MGAM2: variants seen among roughly 807,000 people sequenced by gnomAD.
MGAM2 encodes the protein probable maltase-glucoamylase 2.
MGAM2 carries 98 observed loss-of-function variants against 96.1 expected under a neutral mutation model. The observed-to-expected ratio is 1.02, with a 90% confidence interval of 0.87 to 1.21. MGAM2 has a LOEUF of 1.21. MGAM2 is among the 50% of genes most tolerant of loss of function. MGAM2 has a pLI of 0.00. For missense variants in MGAM2, 2,055 were observed against 1,182.4 expected (o/e 1.74, Z -10.82); for synonymous variants, 749 against 414.8 (o/e 1.81, Z -9.79).
chr7:142,162,622 T>C (rs1379616481), intron 23 of MGAM2, among the ~76,000 whole-genome samples: 1 of 151,746 alleles, frequency 6.6e-6, no homozygotes, highest in Non-Finnish European at 1.5e-5. Context: ...TAAATGTGTA[T>C]ATATGTATCT....
At chr7:142,142,614 A>T (rs1182170715) in intron 12 of MGAM2, among the ~76,000 whole-genome samples, 1 of 144,984 alleles carries the variant, frequency 6.9e-6, no homozygotes, top group Admixed American at 7.4e-5. Context: ...CACTGCAACG[A>T]TCTCAGCTCA....
rs1403787718 is a variant in MGAM2 at position 142,186,078 on chromosome 7, C to A, written c.4077C>A (p.Asn1359Lys). 1.4e-6 allele frequency: 1 copy of A among 706,030 alleles called. No individual in the cohort carries two copies. The highest frequency in any genetic ancestry group is 2.0e-5 in the Admixed American group (1 of 50,004). 43.7% of individuals were successfully genotyped at this position (706,030 alleles called of 1,614,324 possible). A position where few individuals can be genotyped will look rare whatever the true frequency, so the allele number is the denominator to read the frequency against. ...WKKEIEELYA[N>K]PREPEKSLKF... is the part of the protein sequence containing the mutation. ...AAGAGATAGAAGAGCTCTATGCAAA[C>A]CCTCGAGAGCCAGAGAAGAGCTTGA... The change falls in exon 35 of 48, where the codon AAC (asparagine) becomes AAA (lysine). Residue 1359 changes from asparagine to lysine, a missense_variant. Physicochemically the swap from Asn to Lys is moderately conservative, Grantham distance 94. Transcript: ENST00000477922.
chr7:142,113,491 T>TA lies in MGAM2; in HGVS notation c.-1+1686dup, dbSNP rs567391414. On this transcript the variant is annotated intron_variant, in intron 1 of 47. Transcript: ENST00000477922. ...TGAACTGTTAACTGGCTGTGAGAAC[T>TA]AACAGAATGAGAGGAATTAAAAAAA... is the stretch of plus-strand genomic sequence containing the variant. Among the ~76,000 whole-genome samples, 292 of 152,002 alleles carry TA rather than the reference T, an allele frequency of 1.9e-3. 1 individual carries two copies. Among genetic ancestry groups the TA allele is most frequent in the African/African-American group, 6.6e-3 (274 of 41,486 alleles).
At position 142,164,933 on chromosome 7, in the gene MGAM2, G is replaced by T. The variant is rs1795987641; in HGVS notation, c.2562G>T (p.Leu854Phe). 2.8e-6 allele frequency: 2 copies of T among 702,740 alleles called. No individual in the cohort carries two copies. Among genetic ancestry groups the T allele is most frequent in the Middle Eastern group, 2.3e-4 (1 of 4,370 alleles). 43.5% of individuals were successfully genotyped at this position (702,740 alleles called of 1,614,324 possible). The stretch of plus-strand genomic sequence containing the variant: ...TCATGTTCACAGATATCACAATCTT[G>T]GGAATGGACAAACAGCCAGCTAATT... ...DNLMFTDITILGMDKQPANFI... is the reference protein window; with the variant it reads ...DNLMFTDITIFGMDKQPANFI... The change falls in exon 24 of 48, where the codon TTG (leucine) becomes TTT (phenylalanine). Residue 854 changes from leucine to phenylalanine, a missense_variant. By Grantham distance (22) the Leu-to-Phe change is conservative (BLOSUM62 0). Transcript: ENST00000477922.
intron 14 of MGAM2, among the ~76,000 whole-genome samples, chr7:142,146,196 AT>A (rs1336283709): frequency 7.0e-5 from 6 of 85,782 alleles, no homozygotes; most frequent in Admixed American, 3.5e-4. Context: ...CCAAAACTAA[AT>A]TTTGTTTTTG....
chr7:142,164,150 T>C (rs1249976880), intron 23 of MGAM2, among the ~76,000 whole-genome samples: 1 of 152,224 alleles, frequency 6.6e-6, no homozygotes, highest in East Asian at 1.9e-4. Context: ...AAAATCTGTC[T>C]TTGTAAAAAA....
At chr7:142,197,834 C>T (rs566316736) in intron 42 of MGAM2, 106 bp downstream of exon 42, 53 of 673,642 alleles carry the variant, frequency 7.9e-5, no homozygotes, top group Non-Finnish European at 1.0e-4. Context: ...TATTTTCAGG[C>T]GAATGCCTTT....
At chr7:142,172,493 C>G (rs998920175) in intron 29 of MGAM2, among the ~76,000 whole-genome samples, 159 bp from the exon 30 acceptor site, 4 of 152,108 alleles carry the variant, frequency 2.6e-5, no homozygotes, top group African/African-American at 7.2e-5. Flanking sequence ...TTTGGGGTAC[C>G]TGCAAATACA....
chr7:142,140,003 C>A (rs1795173212), intron 10 of MGAM2, among the ~76,000 whole-genome samples: 3 of 152,174 alleles, frequency 2.0e-5, no homozygotes, highest in Admixed American at 1.3e-4. Flanking sequence ...ACAGTTGATG[C>A]CACTTTGGGC....
chr7:142,160,084 G>T (rs1209796434), intron 20 of MGAM2, 50 bp from the exon 21 acceptor site: 1 of 669,412 alleles, frequency 1.5e-6, no homozygotes, highest in Non-Finnish European at 2.7e-6. Context: ...GCCCCTCCTA[G>T]CTGAAACAGC....
chr7:142,218,962 T>C lies in MGAM2; in HGVS notation c.5358+431T>C, dbSNP rs186901020. 6.6e-5 allele frequency among the ~76,000 whole-genome samples: 10 copies of C among 152,298 alleles called. No homozygotes were observed. In the East Asian group the frequency reaches 1.5e-3, roughly 23 times the overall value. ...TCCCTGGTCAAATTGATGGATCTTA[T>C]AGGTAGACGAAAATTGGCAGTAAAC... On this transcript the variant is annotated intron_variant, in intron 47 of 47. Coordinates refer to ENST00000477922, the MANE Select transcript of MGAM2 (RefSeq NM_001293626.2).
chr7:142,121,456 T>G (rs1432267708), intron 3 of MGAM2, among the ~76,000 whole-genome samples: 2 of 152,124 alleles, frequency 1.3e-5, no homozygotes, highest in African/African-American at 2.4e-5. Context: ...GGCTTACAGG[T>G]GTGAGCCACT....
intron 12 of MGAM2, among the ~76,000 whole-genome samples, chr7:142,141,354 A>G (rs1795223643): frequency 6.6e-6 from 1 of 152,164 alleles, no homozygotes; most frequent in African/African-American, 2.4e-5. Flanking sequence ...GCAATATATA[A>G]CTAGAAGAAA....
chr7:142,127,790 G>A (rs749563179), intron 3 of MGAM2, among the ~76,000 whole-genome samples: 34 of 152,180 alleles, frequency 2.2e-4, no homozygotes, highest in Non-Finnish European at 3.8e-4. Context: ...CCAGCCATGT[G>A]GAACTGTGAG....
At chr7:142,168,525 C>T (rs1796096866) in intron 26 of MGAM2, among the ~76,000 whole-genome samples, 1 of 152,194 alleles carries the variant, frequency 6.6e-6, no homozygotes, top group South Asian at 2.1e-4. Flanking sequence ...CCACCTTGGC[C>T]TCCCAAAATG....
At chr7:142,147,057 A>G (rs754985614) in intron 14 of MGAM2, among the ~76,000 whole-genome samples, 1 of 152,154 alleles carries the variant, frequency 6.6e-6, no homozygotes, top group East Asian at 1.9e-4. Flanking sequence ...TGACTGTATT[A>G]TAAAAAAGAA....
Position 142,221,236 on chromosome 7 carries a change from T to G in MGAM2, c.6725T>G (p.Leu2242Ter). 1.4e-6 allele frequency: 1 copy of G among 701,322 alleles called. No homozygotes were observed. Among genetic ancestry groups the G allele is most frequent in the Non-Finnish European group, 2.6e-6 (1 of 383,996 alleles). 43.4% of individuals were successfully genotyped at this position (701,322 alleles called of 1,614,324 possible). Residue 2242 changes from leucine to a stop codon, truncating the protein, a stop_gained, in exon 48 of 48, where the codon TTA becomes TGA. Transcript: ENST00000477922. LOFTEE classifies it low-confidence loss of function (END_TRUNC). Reference protein sequence around the residue: ...NNDASMTNFLLATMSAGNITS... With the variant: ...NNDASMTNFL ...GATGCTTCTATGACAAATTTTCTTT[T>G]AGCTACAATGTCTGCTGGTAATATA...
intron 33 of MGAM2, among the ~76,000 whole-genome samples, chr7:142,184,055 C>A (rs1796623692): frequency 7.1e-6 from 1 of 140,372 alleles, no homozygotes; most frequent in Non-Finnish European, 1.5e-5. Flanking sequence ...TGTCTGCAAC[C>A]TCCTCTTCCC....
intron 3 of MGAM2, among the ~76,000 whole-genome samples, chr7:142,127,849 C>A (rs1794772171): frequency 6.6e-6 from 1 of 152,152 alleles, no homozygotes; most frequent in African/African-American, 2.4e-5. Flanking sequence ...GGGTATGTCT[C>A]TGTTAGCAGC....
Sources: gnomAD v4.1 joint callset for allele counts (sites outside exome capture counted in the v4.1 genomes callset) on GRCh38, gnomAD v4.1.1 for gene constraint, MANE v1.5 for transcripts, NCBI Gene and HGNC (gene_info 2026-07-23, HGNC 2026-07-21) for gene names.